The following GPC4 variants were observed in gnomAD, a reference collection of about 807,000 sequenced individuals.
GPC4 encodes glypican-4.
GPC4 carries 10 observed loss-of-function variants against 35.0 expected under a neutral mutation model. The ratio of observed to expected loss-of-function variants is 0.29; its 90% confidence interval spans 0.18 to 0.48. The LOEUF is 0.48. Ranked by LOEUF, GPC4 falls within the 20% of genes least tolerant of loss-of-function variation. GPC4 has a pLI of 0.99. For missense variants in GPC4, 322 were observed against 451.3 expected (o/e 0.71, Z 2.60); for synonymous variants, 167 against 170.2 (o/e 0.98, Z 0.15).
chrX:133,304,542 G>A (rs1341934096), intron 7 of GPC4, among the ~76,000 whole-genome samples, 183 bp downstream of exon 7: 1 of 111,638 alleles, frequency 9.0e-6, no homozygotes, highest in Non-Finnish European at 1.9e-5. Flanking sequence ...AAGTAACTGG[G>A]TGCCTTCTCA....
intron 1 of GPC4, among the ~76,000 whole-genome samples, chrX:133,362,226 A>G (rs1315643554): frequency 1.8e-5 from 2 of 108,416 alleles, no homozygotes; most frequent in African/African-American, 3.4e-5. Flanking sequence ...AAAAAAAAAG[A>G]AAGGAAGGAA....
intron 1 of GPC4, among the ~76,000 whole-genome samples, chrX:133,400,897 G>C (rs985534672): frequency 1.8e-4 from 17 of 92,882 alleles, no homozygotes; most frequent in African/African-American, 6.9e-4. Context: ...ATGAATATAT[G>C]TGTGTGTCTG....
chrX:133,315,625 G>T (rs969329418), intron 3 of GPC4, among the ~76,000 whole-genome samples: 32 of 111,193 alleles, frequency 2.9e-4, no homozygotes, highest in African/African-American at 9.5e-4. Flanking sequence ...TATTCCGTAA[G>T]ACCCAAAACC....
intron 1 of GPC4, among the ~76,000 whole-genome samples, chrX:133,358,610 G>A (rs889949901): frequency 3.6e-5 from 4 of 111,859 alleles, no homozygotes; most frequent in East Asian, 2.8e-4. Context: ...AATTCCACCC[G>A]GAGATGAAGG....
At chrX:133,355,313 G>A (rs1285822803) in intron 1 of GPC4, among the ~76,000 whole-genome samples, 1 of 111,691 alleles carries the variant, frequency 9.0e-6, no homozygotes, top group Non-Finnish European at 1.9e-5. Context: ...ATATACATAG[G>A]AAAAGGTGCT....
chrX:133,401,181 C>T (rs747463463), intron 1 of GPC4, among the ~76,000 whole-genome samples: 1 of 111,586 alleles, frequency 9.0e-6, no homozygotes, highest in African/African-American at 3.3e-5. Flanking sequence ...CGTGGGCTGG[C>T]ACAGGAGAAG....
At chrX:133,381,672 A>G (rs1374856406) in intron 1 of GPC4, among the ~76,000 whole-genome samples, 1 of 112,621 alleles carries the variant, frequency 8.9e-6, no homozygotes, top group Non-Finnish European at 1.9e-5. Flanking sequence ...TTAACCATTT[A>G]GCATGTGTGA....
chrX:133,382,224 C>T (rs868590619), intron 1 of GPC4, among the ~76,000 whole-genome samples: 11 of 110,101 alleles, frequency 1.0e-4, no homozygotes, highest in Non-Finnish European at 1.7e-4. Flanking sequence ...GTCAGGAGAT[C>T]GAGACCATCC....
intron 2 of GPC4, among the ~76,000 whole-genome samples, chrX:133,333,786 G>A (rs1000354260): frequency 1.8e-5 from 2 of 112,624 alleles, no homozygotes; most frequent in East Asian, 5.6e-4. Flanking sequence ...AATGTTGCCC[G>A]CTGTACTACA....
intron 3 of GPC4, among the ~76,000 whole-genome samples, chrX:133,322,017 T>C (rs772100052): frequency 6.3e-5 from 7 of 111,860 alleles, no homozygotes. Context: ...AAAAATCCCA[T>C]GAGCACCTAT....
At chrX:133,413,980 C>T (rs1046059167) in intron 1 of GPC4, among the ~76,000 whole-genome samples, 1 of 111,289 alleles carries the variant, frequency 9.0e-6, no homozygotes, top group Non-Finnish European at 1.9e-5. Context: ...ATTTGCATAA[C>T]CATCTCCAAA....
chrX:133,394,320 C>A (rs778408749), intron 1 of GPC4, among the ~76,000 whole-genome samples: 10 of 109,877 alleles, frequency 9.1e-5, no homozygotes, highest in African/African-American at 3.3e-4. Flanking sequence ...AAGACTGGAT[C>A]GTGATATGTA....
At chrX:133,329,612 T>TA (rs2068409968) in intron 2 of GPC4, among the ~76,000 whole-genome samples, 1 of 110,947 alleles carries the variant, frequency 9.0e-6, no homozygotes, top group Non-Finnish European at 1.9e-5. Flanking sequence ...GAAGAGAGCT[T>TA]ACATTACATT....
At chrX:133,355,729 G>A (rs1233311146) in intron 1 of GPC4, among the ~76,000 whole-genome samples, 2 of 111,429 alleles carry the variant, frequency 1.8e-5, no homozygotes, top group African/African-American at 6.5e-5. Context: ...CTAGTGGGAG[G>A]TGACTGGGTT....
Position 133,300,192 on chromosome X carries a change from GTAAC to G in GPC4, c.*2671_*2674del, listed in dbSNP as rs2068262254. The G allele has an allele frequency of 8.9e-6, 1 of 112,464 alleles. No homozygotes were observed. The allele number at this position is 112,464 out of a possible 1,213,427, so 9.3% of individuals were successfully genotyped here. ...TGAACTGTTAGGTTTTGAACACTCA[GTAAC>G]TAAACTTTAGAAATTTACGTCAATT... On this transcript the variant is annotated 3_prime_UTR_variant, in exon 9 of 9. Coordinates refer to ENST00000370828, the MANE Select transcript of GPC4 (RefSeq NM_001448.3).
rs138324484 is a variant in GPC4 at position 133,377,997 on chromosome X, C to T, written c.160+36809G>A. On this transcript the variant is annotated intron_variant, in intron 1 of 8. Coordinates refer to ENST00000370828, the MANE Select transcript of GPC4 (RefSeq NM_001448.3). ...GCAGCTTTAACCTCCCGGGTTCACG[C>T]GACCCTCCGACCTCAGCTTCCAGAG... 9.5e-4 allele frequency among the ~76,000 whole-genome samples: 100 copies of T among 105,463 alleles called. 4 individuals are homozygous for T. The East Asian group carries it at 0.027, about 28-fold the overall frequency. The allele number at this position is 105,463 out of a possible 115,157, so 91.6% of individuals were successfully genotyped here.
chrX:133,359,848 C>T (rs975313230), intron 1 of GPC4, among the ~76,000 whole-genome samples: 5 of 111,386 alleles, frequency 4.5e-5, no homozygotes. Context: ...CATGTGTAGG[C>T]TGTCTTTACA....
At chrX:133,370,167 G>C (rs2068606045) in intron 1 of GPC4, among the ~76,000 whole-genome samples, 1 of 111,827 alleles carries the variant, frequency 8.9e-6, no homozygotes, top group African/African-American at 3.2e-5. Context: ...ATAAGTTTTT[G>C]CCCTGAGAAT....
intron 1 of GPC4, among the ~76,000 whole-genome samples, chrX:133,369,251 C>T (rs1162264164): frequency 9.0e-6 from 1 of 111,731 alleles, no homozygotes; most frequent in Non-Finnish European, 1.9e-5. Flanking sequence ...ATATCAGTTA[C>T]ATTTGCCTCC....
Sources: gnomAD v4.1 joint callset for allele counts (sites outside exome capture counted in the v4.1 genomes callset) on GRCh38, gnomAD v4.1.1 for gene constraint, MANE v1.5 for transcripts, NCBI Gene and HGNC (gene_info 2026-07-23, HGNC 2026-07-21) for gene names.